Variants in FAM120AOS observed in about 807,000 individuals in gnomAD.
FAM120AOS encodes uncharacterized protein FAM120AOS.
FAM120AOS carries 15 observed loss-of-function variants against 20.2 expected under a neutral mutation model. The ratio of observed to expected loss-of-function variants is 0.74; its 90% confidence interval spans 0.50 to 1.15. FAM120AOS has a LOEUF of 1.15. Ranked by LOEUF, FAM120AOS falls within the 50% of genes most tolerant of loss-of-function variation. The probability of loss-of-function intolerance (pLI) is 0.00; values close to 1 mark genes in which losing one functional copy is unlikely to be tolerated. For synonymous variants in FAM120AOS, 154 were observed against 154.0 expected, an observed-to-expected ratio of 1.00 and a Z score of 0.00; for missense variants, 327 against 351.9, an observed-to-expected ratio of 0.93 and a Z score of 0.57.
intron 2 of FAM120AOS, chr9:93,448,459 CT>C: frequency 4.5e-6 from 1 of 224,286 alleles, no homozygotes; most frequent in South Asian, 4.7e-5. Flanking sequence ...CATCATTGTA[CT>C]CCAGCCTGGG....
chr9:93,449,098 G>A (rs1162493756), intron 2 of FAM120AOS, among the ~76,000 whole-genome samples: 3 of 150,016 alleles, frequency 2.0e-5, no homozygotes, highest in Non-Finnish European at 4.4e-5. Flanking sequence ...AAGCTAAATA[G>A]GGCAACTAAG....
At position 93,445,337 on chromosome 9, in the gene FAM120AOS, A is replaced by C. The variant is rs1478831972; in HGVS notation, c.*2274T>G. Among the ~76,000 whole-genome samples, 1 of 152,080 alleles carries C rather than the reference A, an allele frequency of 6.6e-6. No homozygotes were observed. Among genetic ancestry groups the C allele is most frequent in the Non-Finnish European group, 1.5e-5 (1 of 68,028 alleles). On this transcript the variant is annotated 3_prime_UTR_variant, in exon 3 of 3. Coordinates refer to ENST00000375412, the MANE Select transcript of FAM120AOS (RefSeq NM_198841.4). ...TTTTGGTGAGATCGTCAATCCAGGA[A>C]CCTGTTTCCCCATATTAAAGTCAAA...
Position 93,452,970 on chromosome 9 carries a change from C to T in FAM120AOS, c.-261G>A. On this transcript the variant is annotated 5_prime_UTR_variant, in exon 1 of 3. Coordinates refer to ENST00000375412, the MANE Select transcript of FAM120AOS (RefSeq NM_198841.4). The surrounding 1 kb of genome is among the most constrained non-coding windows in gnomAD (Gnocchi z 7.0). ...GGCCTCTACTTCAGAACGCAGTGCC[C>T]TGTCCGTGTTCCTCTTAGTACAGGG... 1 of 1,364,414 alleles carries T rather than the reference C, an allele frequency of 7.3e-7. No homozygotes were observed. Among genetic ancestry groups the T allele is most frequent in the Non-Finnish European group, 9.4e-7 (1 of 1,061,832 alleles). 84.5% of individuals were successfully genotyped at this position (1,364,414 alleles called of 1,614,324 possible). A position where few individuals can be genotyped will look rare whatever the true frequency, so the allele number is the denominator to read the frequency against.
Position 93,453,176 on chromosome 9 carries a change from G to A in FAM120AOS, c.-467C>T. 2.0e-6 allele frequency: 2 copies of A among 1,001,894 alleles called. No individual in the cohort carries two copies. The highest frequency in any genetic ancestry group is 2.4e-6 in the Non-Finnish European group (2 of 841,174). 62.1% of individuals were successfully genotyped at this position (1,001,894 alleles called of 1,614,324 possible). ...CAAAATCAGGGGGCGAACTACGCGG[G>A]CGTGAACTCGCAGGATTTATTTTTC... On this transcript the variant is annotated 5_prime_UTR_variant, in exon 1 of 3. Transcript: ENST00000375412.
Position 93,447,247 on chromosome 9 carries a change from T to C in FAM120AOS, c.*364A>G, listed in dbSNP as rs2131126226. On this transcript the variant is annotated 3_prime_UTR_variant, in exon 3 of 3. Coordinates refer to ENST00000375412, the MANE Select transcript of FAM120AOS (RefSeq NM_198841.4). ...CTATGCAAGTATCTATTTGTCTATA[T>C]GTCTGTCTACCTTGGTAGGTTGGGC... is the stretch of plus-strand genomic sequence containing the variant. 2 of 207,358 alleles carry C rather than the reference T, an allele frequency of 9.6e-6. No homozygotes were observed. Among genetic ancestry groups the C allele is most frequent in the South Asian group, 1.9e-4 (2 of 10,282 alleles). 12.8% of individuals were successfully genotyped at this position (207,358 alleles called of 1,614,324 possible). A position where few individuals can be genotyped will look rare whatever the true frequency, so the allele number is the denominator to read the frequency against.
At position 93,452,063 on chromosome 9, in the gene FAM120AOS, G is replaced by T; in HGVS notation, c.563+84C>A. ...GACCCCGCTGCGCCTGCTGGTGGAC[G>T]CCGACAACTGCCTGCACCGCCTCTA... On this transcript the variant is annotated intron_variant, in intron 1 of 2. Transcript: ENST00000375412. This position sits in a 1 kb window ranked among gnomAD's most constrained non-coding sequence, Gnocchi z 7.0. 1 of 1,593,330 alleles carries T rather than the reference G, an allele frequency of 6.3e-7. No homozygotes were observed. The highest frequency in any genetic ancestry group is 8.5e-7 in the Non-Finnish European group (1 of 1,170,722).
Position 93,453,188 on chromosome 9 carries a change from A to T in FAM120AOS, c.-479T>A. ...GCGAACTACGCGGGCGTGAACTCGC[A>T]GGATTTATTTTTCGGGTGCACAGTA... is the stretch of plus-strand genomic sequence containing the variant. On this transcript the variant is annotated 5_prime_UTR_variant, in exon 1 of 3. Coordinates refer to ENST00000375412, the MANE Select transcript of FAM120AOS (RefSeq NM_198841.4). 2.0e-6 allele frequency: 2 copies of T among 1,002,730 alleles called. No homozygotes were observed. The highest frequency in any genetic ancestry group is 2.4e-6 in the Non-Finnish European group (2 of 841,846). 62.1% of individuals were successfully genotyped at this position (1,002,730 alleles called of 1,614,324 possible).
chr9:93,451,882 CG>C, intron 1 of FAM120AOS: 1 of 1,212,200 alleles, frequency 8.2e-7, no homozygotes, highest in Non-Finnish European at 1.0e-6. Context: ...CGCCGCCCCC[CG>C]CCCGCACCCG....
In FAM120AOS at chr9:93,452,739, C is replaced by A; in HGVS notation, c.-30G>T. On this transcript the variant is annotated 5_prime_UTR_variant, in exon 1 of 3. Coordinates refer to ENST00000375412, the MANE Select transcript of FAM120AOS (RefSeq NM_198841.4). The surrounding 1 kb of genome is among the most constrained non-coding windows in gnomAD (Gnocchi z 7.0). Reference sequence around the variant, plus strand: ...TTTGAGGCGGGCAGGCTATCACTCACCTTCAACTTTGACAAAATACTCCCT... The same window carrying A: ...TTTGAGGCGGGCAGGCTATCACTCAACTTCAACTTTGACAAAATACTCCCT... 2 of 1,597,504 alleles carry A rather than the reference C, an allele frequency of 1.3e-6. No individual in the cohort carries two copies. The highest frequency in any genetic ancestry group is 1.7e-6 in the Non-Finnish European group (2 of 1,179,636).
rs1218411045 is a variant in FAM120AOS at position 93,445,945 on chromosome 9, C to A, written c.*1666G>T. Among the ~76,000 whole-genome samples, 1 of 152,108 alleles carries A rather than the reference C, an allele frequency of 6.6e-6. No homozygotes were observed. Among genetic ancestry groups the A allele is most frequent in the East Asian group, 1.9e-4 (1 of 5,196 alleles). The stretch of plus-strand genomic sequence containing the variant: ...GTCTCATGAATAACTGTGCCAAAAT[C>A]CTCACTTCTGAGTGCACTGATGCAG... On this transcript the variant is annotated 3_prime_UTR_variant, in exon 3 of 3. Transcript: ENST00000375412.
chr9:93,453,465 T>G lies in FAM120AOS; in HGVS notation c.-756A>C. 1.0e-6 allele frequency: 1 copy of G among 985,482 alleles called. No homozygotes were observed. The highest frequency in any genetic ancestry group is 1.2e-6 in the Non-Finnish European group (1 of 829,938). 61.0% of individuals were successfully genotyped at this position (985,482 alleles called of 1,614,324 possible). On this transcript the variant is annotated 5_prime_UTR_variant, in exon 1 of 3. Transcript: ENST00000375412. ...TTTTTGTTGTCTTAGCTCTTGACACTCGGTCTTCCATCTTGTCATTTGACA... is the reference window on the plus strand; with the variant it reads ...TTTTTGTTGTCTTAGCTCTTGACACGCGGTCTTCCATCTTGTCATTTGACA...
In FAM120AOS at chr9:93,447,662, T is replaced by C. The variant is rs753893936; in HGVS notation, c.720A>G (p.Ser240=). ...SRSCSVNNKV[S]KKTTKPPTLR... ...GTGTTGGTGGTTTTGTGGTTTTCTTTGAGACTTTGTTATTGACAGAACAGC... is the reference window on the plus strand; with the variant it reads ...GTGTTGGTGGTTTTGTGGTTTTCTTCGAGACTTTGTTATTGACAGAACAGC... The change falls in exon 3 of 3, where the codon TCA becomes TCG. Residue 240 remains serine (S), a synonymous_variant. Coordinates refer to ENST00000375412, the MANE Select transcript of FAM120AOS (RefSeq NM_198841.4). 2.3e-5 allele frequency: 37 copies of C among 1,613,776 alleles called. No individual in the cohort carries two copies. The highest frequency in any genetic ancestry group is 3.0e-5 in the Non-Finnish European group (35 of 1,179,858).
intron 2 of FAM120AOS, among the ~76,000 whole-genome samples, chr9:93,449,492 ATTTT>A (rs10667664): frequency 4.6e-5 from 5 of 109,534 alleles, no homozygotes; most frequent in East Asian, 5.3e-4. Flanking sequence ...TGGCACTGGC[ATTTT>A]TTTTTTTTTT....
At position 93,452,476 on chromosome 9, in the gene FAM120AOS, G is replaced by T. The variant is rs756034568; in HGVS notation, c.234C>A (p.His78Gln). 1.8e-5 allele frequency: 28 copies of T among 1,544,046 alleles called. No individual in the cohort carries two copies. In the South Asian group the frequency reaches 3.1e-4, roughly 17 times the overall value. ...AGGTRCPQRR[H>Q]GRATFCALGR... ...CCAGGGCGCAGAATGTCGCCCGGCC[G>T]TGGCGGCGCTGGGGGCAGCGAGTTC... Residue 78 changes from histidine (H) to glutamine (Q), a missense_variant, in exon 1 of 3, where the codon CAC becomes CAA. Physicochemically the swap from His to Gln is conservative, Grantham distance 24. Around this residue, in one of 3 missense-constraint regions of FAM120AOS, gnomAD observed 155 missense variants for 128.8 expected, o/e 1.20. Coordinates refer to ENST00000375412, the MANE Select transcript of FAM120AOS (RefSeq NM_198841.4). This position sits in a 1 kb window ranked among gnomAD's most constrained non-coding sequence, Gnocchi z 7.0.
In FAM120AOS at chr9:93,447,461, C is replaced by G. The variant is rs1363222018; in HGVS notation, c.*150G>C. 5.6e-6 allele frequency: 4 copies of G among 709,370 alleles called. No individual in the cohort carries two copies. The African/African-American group carries it at 7.1e-5, about 13-fold the overall frequency. The allele number at this position is 709,370 out of a possible 1,614,324, so 43.9% of individuals were successfully genotyped here. On this transcript the variant is annotated 3_prime_UTR_variant, in exon 3 of 3. Coordinates refer to ENST00000375412, the MANE Select transcript of FAM120AOS (RefSeq NM_198841.4). ...TTAATAAAAGTGGATAAAGACCACT[C>G]TAGCTTTAAAACACCCTCCAATATA...
In FAM120AOS at chr9:93,452,011, G is replaced by T; in HGVS notation, c.563+136C>A. On this transcript the variant is annotated intron_variant, in intron 1 of 2. Coordinates refer to ENST00000375412, the MANE Select transcript of FAM120AOS (RefSeq NM_198841.4). The surrounding 1 kb of genome is among the most constrained non-coding windows in gnomAD (Gnocchi z 7.0). ...AGAAGCTGGCCCGGGGCAGCCTGGTGGGCGGCGGGCGGCAGCGGCCCCCGC... is the reference window on the plus strand; with the variant it reads ...AGAAGCTGGCCCGGGGCAGCCTGGTTGGCGGCGGGCGGCAGCGGCCCCCGC... The T allele has an allele frequency of 6.4e-7, 1 of 1,555,452 alleles. No individual in the cohort carries two copies. The highest frequency in any genetic ancestry group is 8.7e-7 in the Non-Finnish European group (1 of 1,150,934).
Position 93,443,496 on chromosome 9 carries a change from G to C in FAM120AOS, c.*4115C>G, listed in dbSNP as rs539559360. On this transcript the variant is annotated 3_prime_UTR_variant, in exon 3 of 3. Coordinates refer to ENST00000375412, the MANE Select transcript of FAM120AOS (RefSeq NM_198841.4). ...GTTGGAAGGTCATTTTTACAGTTCT[G>C]AACTGCTGTGCAGTGAGGACTGTCT... is the stretch of plus-strand genomic sequence containing the variant. Among the ~76,000 whole-genome samples the C allele has an allele frequency of 6.6e-6, 1 of 152,216 alleles. No homozygotes were observed. Among genetic ancestry groups the C allele is most frequent in the South Asian group, 2.1e-4 (1 of 4,836 alleles).
At chr9:93,451,994 G>T in intron 1 of FAM120AOS, 153 bp downstream of exon 1, 1 of 1,548,704 alleles carries the variant, frequency 6.5e-7, no homozygotes, top group Non-Finnish European at 8.7e-7. Context: ...GCAGAAGCTG[G>T]CCCGGGGCAG....
At chr9:93,450,759 A>G (rs1225632128) in intron 1 of FAM120AOS, 160 bp from the exon 2 acceptor site, 1 of 1,201,488 alleles carries the variant, frequency 8.3e-7, no homozygotes, top group East Asian at 2.5e-5. Context: ...ACCTCATTTT[A>G]GAAGCAGTTA....
Sources: allele counts gnomAD v4.1 joint callset (sites outside exome capture counted in the v4.1 genomes callset), GRCh38; gene constraint gnomAD v4.1.1; regional missense constraint gnomAD v4.1.1; non-coding constraint Gnocchi (gnomAD v3.1); transcripts MANE v1.5; gene names NCBI Gene and HGNC (gene_info 2026-07-23, HGNC 2026-07-21).